Variants in CTNNA3 observed in about 807,000 individuals in gnomAD.
CTNNA3 encodes the protein catenin alpha 3.
Under a neutral mutation model 95.7 loss-of-function variants are expected in CTNNA3, and 76 were observed. That is an observed-to-expected ratio of 0.79 (90% confidence interval 0.66 to 0.96). The LOEUF (loss-of-function observed/expected upper bound fraction) is 0.96. Ranked by LOEUF, CTNNA3 falls within the 40% of genes least tolerant of loss-of-function variation. The pLI, the probability that CTNNA3 is intolerant of heterozygous loss-of-function variation, is 0.00. For synonymous variants in CTNNA3, 431 were observed against 374.4 expected (o/e 1.15, Z -1.74); for missense variants, 1,191 against 1,089.8 (o/e 1.09, Z -1.31).
At chr10:66,424,803 C>T (rs1030136899) in intron 11 of CTNNA3, among the ~76,000 whole-genome samples, 7 of 151,992 alleles carry the variant, frequency 4.6e-5, no homozygotes, top group Non-Finnish European at 1.0e-4. Context: ...TTGTTCAAAT[C>T]TTATATATCC....
chr10:66,256,895 G>T (rs541925491), intron 13 of CTNNA3, among the ~76,000 whole-genome samples: 20 of 152,234 alleles, frequency 1.3e-4, no homozygotes, highest in Middle Eastern at 3.4e-3. Context: ...GAGTAGAAAA[G>T]GTTCCTAACC....
At chr10:67,447,044 G>A (rs182186147) in intron 5 of CTNNA3, among the ~76,000 whole-genome samples, 2 of 152,204 alleles carry the variant, frequency 1.3e-5, no homozygotes, top group South Asian at 2.1e-4. Flanking sequence ...GGCAGAGCTT[G>A]CAGTGAGCTG....
chr10:66,796,963 G>A (rs77932447), intron 7 of CTNNA3, among the ~76,000 whole-genome samples: 1,595 of 151,942 alleles, frequency 0.01, 31 homozygotes, highest in African/African-American at 0.035. Context: ...TTTATCCTTC[G>A]TAATTATCTT....
chr10:65,946,227 A>C (rs2077514584), intron 17 of CTNNA3, among the ~76,000 whole-genome samples: 2 of 152,180 alleles, frequency 1.3e-5, no homozygotes, highest in Admixed American at 6.5e-5. Context: ...AACAGTGCCT[A>C]GCATTAATAA....
chr10:66,201,343 C>T (rs181737258), intron 13 of CTNNA3, among the ~76,000 whole-genome samples: 33 of 152,218 alleles, frequency 2.2e-4, no homozygotes, highest in African/African-American at 7.7e-4. Context: ...TCTTTCCTAC[C>T]ACCTTTTTCG....
chr10:66,970,393 T>C (rs1382158980), intron 7 of CTNNA3, among the ~76,000 whole-genome samples: 1 of 152,018 alleles, frequency 6.6e-6, no homozygotes, highest in African/African-American at 2.4e-5. Context: ...ATACAGCAGA[T>C]ATGTAACAAT....
intron 5 of CTNNA3, among the ~76,000 whole-genome samples, chr10:67,251,204 A>G (rs1866094722): frequency 6.6e-6 from 1 of 152,196 alleles, no homozygotes. Context: ...TCTTGAAAAC[A>G]TTATGCTAAG....
chr10:66,465,347 T>G (rs946930756), intron 11 of CTNNA3, among the ~76,000 whole-genome samples: 2 of 152,140 alleles, frequency 1.3e-5, no homozygotes, highest in Non-Finnish European at 2.9e-5. Flanking sequence ...TTTTCAAATG[T>G]TTGAATCAGT....
At chr10:66,754,677 C>T (rs1167339423) in intron 9 of CTNNA3, among the ~76,000 whole-genome samples, 1 of 151,982 alleles carries the variant, frequency 6.6e-6, no homozygotes, top group Non-Finnish European at 1.5e-5. Flanking sequence ...ATAGATATTT[C>T]TATTAAAAAG....
chr10:67,520,723 G>A (rs1589384703), intron 5 of CTNNA3, among the ~76,000 whole-genome samples: 1 of 152,244 alleles, frequency 6.6e-6, no homozygotes, highest in East Asian at 1.9e-4. Flanking sequence ...AGGAAAATAA[G>A]GCCATAGAAA....
At chr10:66,555,787 G>A (rs1225609974) in intron 10 of CTNNA3, among the ~76,000 whole-genome samples, 1 of 151,878 alleles carries the variant, frequency 6.6e-6, no homozygotes, top group Non-Finnish European at 1.5e-5. Context: ...ATTACATCAA[G>A]AAGCTTAAAG....
At chr10:67,470,506 T>A (rs4746684) in intron 5 of CTNNA3, among the ~76,000 whole-genome samples, 151,944 of 152,330 alleles carry the variant, frequency 1, 75,781 homozygotes, top group East Asian at 1. Context: ...GTAAATACGT[T>A]ACTGAGTTTA....
intron 5 of CTNNA3, among the ~76,000 whole-genome samples, chr10:67,364,265 A>G (rs1843118603): frequency 6.6e-6 from 1 of 152,216 alleles, no homozygotes; most frequent in Non-Finnish European, 1.5e-5. Flanking sequence ...GCCTTCAACA[A>G]AATTCAACAG....
At chr10:66,342,150 C>T (rs1322507422) in intron 12 of CTNNA3, among the ~76,000 whole-genome samples, 1 of 151,872 alleles carries the variant, frequency 6.6e-6, no homozygotes, top group African/African-American at 2.4e-5. Context: ...GAAAATTACA[C>T]TTCTTTTTTG....
chr10:66,040,167 C>G (rs2079655690), intron 15 of CTNNA3, among the ~76,000 whole-genome samples: 1 of 151,670 alleles, frequency 6.6e-6, no homozygotes. Flanking sequence ...AATCAAAACC[C>G]CAACGAGATA....
intron 11 of CTNNA3, among the ~76,000 whole-genome samples, chr10:66,422,745 T>TG (rs1219391257): frequency 1.3e-5 from 2 of 152,198 alleles, no homozygotes; most frequent in African/African-American, 4.8e-5. Context: ...GAAAGATGAT[T>TG]TTTTTTTCTT....
chr10:66,485,318 G>A (rs1015531562), intron 11 of CTNNA3, among the ~76,000 whole-genome samples: 16 of 152,034 alleles, frequency 1.1e-4, no homozygotes, highest in Non-Finnish European at 2.2e-4. Flanking sequence ...TAGATAACAC[G>A]ATTTTATATA....
At chr10:66,043,020 A>G (rs952552162) in intron 15 of CTNNA3, among the ~76,000 whole-genome samples, 11 of 150,906 alleles carry the variant, frequency 7.3e-5, no homozygotes, top group Admixed American at 5.3e-4. Context: ...AAAAGGATGA[A>G]ATTGACCATC....
At chr10:66,079,990 T>G (rs2080693113) in intron 14 of CTNNA3, among the ~76,000 whole-genome samples, 1 of 152,084 alleles carries the variant, frequency 6.6e-6, no homozygotes, top group African/African-American at 2.4e-5. Flanking sequence ...TACTATTATT[T>G]CTTTCTGACT....
Sources: gnomAD v4.1 joint callset for allele counts (sites outside exome capture counted in the v4.1 genomes callset) on GRCh38, gnomAD v4.1.1 for gene constraint, MANE v1.5 for transcripts, NCBI Gene and HGNC (gene_info 2026-07-23, HGNC 2026-07-21) for gene names.